Variants in CTNNA2 observed in about 807,000 individuals in gnomAD.
The protein encoded by CTNNA2 is catenin alpha-2.
A neutral mutation model predicts 101.0 loss-of-function variants in CTNNA2; 42 were observed. The observed-to-expected ratio is 0.42, with a 90% CI of 0.32 to 0.54. The LOEUF is 0.54. Among genes scored for constraint, CTNNA2 ranks in the 20% least tolerant of loss-of-function variants. The probability of loss-of-function intolerance (pLI) is 0.14; values close to 1 mark genes in which losing one functional copy is unlikely to be tolerated. For missense variants in CTNNA2, 871 were observed against 1,223.1 expected (o/e 0.71, Z 4.29); for synonymous variants, 450 against 456.4 (o/e 0.99, Z 0.18).
intron 7 of CTNNA2, among the ~76,000 whole-genome samples, chr2:79,997,897 C>T (rs1284232272): frequency 6.6e-6 from 1 of 152,142 alleles, no homozygotes; most frequent in Non-Finnish European, 1.5e-5. Flanking sequence ...TGGTGTCCAA[C>T]ATAGAGAACT....
intron 7 of CTNNA2, among the ~76,000 whole-genome samples, chr2:80,259,135 A>C (rs934542220): frequency 6.6e-6 from 1 of 152,130 alleles, no homozygotes; most frequent in Non-Finnish European, 1.5e-5. Flanking sequence ...TTGGGCAAGA[A>C]CACTGACTCT....
chr2:79,729,886 C>T lies in CTNNA2; in HGVS notation c.103-14501C>T, dbSNP rs1396391847. On this transcript the variant is annotated intron_variant, in intron 2 of 18. Coordinates refer to ENST00000402739, the MANE Select transcript of CTNNA2 (RefSeq NM_001282597.3). ...AATTTAATGGAAGAATAATAATGTACACTTACACATCAAAATCAGAAAATG... is the reference window on the plus strand; with the variant it reads ...AATTTAATGGAAGAATAATAATGTATACTTACACATCAAAATCAGAAAATG... Among the ~76,000 whole-genome samples the T allele has an allele frequency of 2.6e-5, 4 of 152,120 alleles. No homozygotes were observed. The East Asian group carries it at 7.7e-4, about 29-fold the overall frequency.
intron 2 of CTNNA2, among the ~76,000 whole-genome samples, chr2:79,213,095 G>A (rs1674197704): frequency 6.6e-6 from 1 of 152,172 alleles, no homozygotes; most frequent in Non-Finnish European, 1.5e-5. Context: ...TGTGGGAAGA[G>A]ATTGATAGGT....
At chr2:80,027,978 A>G (rs1695043920) in intron 7 of CTNNA2, 1 of 148,166 alleles carries the variant, frequency 6.7e-6, no homozygotes, top group Admixed American at 6.7e-5. Flanking sequence ...GTCTCAAAAA[A>G]AAAAAAAAAA....
At chr2:79,496,382 G>C (rs1671256020) in intron 4 of CTNNA2, among the ~76,000 whole-genome samples, 1 of 152,072 alleles carries the variant, frequency 6.6e-6, no homozygotes, top group Non-Finnish European at 1.5e-5. Context: ...TGGATCTTCA[G>C]AGAATAGATA....
At chr2:79,716,261 TTTA>T (rs1354480140) in intron 2 of CTNNA2, among the ~76,000 whole-genome samples, 1 of 152,164 alleles carries the variant, frequency 6.6e-6, no homozygotes, top group Admixed American at 6.5e-5. Context: ...ATGTCATTGA[TTTA>T]TTATTTATTT....
chr2:80,244,856 C>T (rs1354358738), intron 7 of CTNNA2, among the ~76,000 whole-genome samples: 1 of 152,146 alleles, frequency 6.6e-6, no homozygotes, highest in Non-Finnish European at 1.5e-5. Context: ...GTAGTCATTT[C>T]CATATCACAC....
At position 80,536,355 on chromosome 2, in the gene CTNNA2, A is replaced by C. The variant is rs1179666663; in HGVS notation, c.1291-8627A>C. ...AATTCAAGTAATTCCCCTTGAATTT[A>C]TTTAAATAAATTCATTTTATTCTCA... On this transcript the variant is annotated intron_variant, in intron 9 of 18. Transcript: ENST00000402739. Among the ~76,000 whole-genome samples the C allele has an allele frequency of 2.0e-5, 3 of 152,176 alleles. No homozygotes were observed. In the South Asian group the frequency reaches 6.2e-4, roughly 32 times the overall value.
chr2:80,416,087 G>A (rs1680019308), intron 8 of CTNNA2, among the ~76,000 whole-genome samples: 1 of 152,006 alleles, frequency 6.6e-6, no homozygotes, highest in Non-Finnish European at 1.5e-5. Flanking sequence ...GCTGGTCAAA[G>A]GGTACAAACT....
chr2:80,294,265 G>A lies in CTNNA2; in HGVS notation c.1057-98946G>A, dbSNP rs1281744286. Among the ~76,000 whole-genome samples, 5 of 152,156 alleles carry A rather than the reference G, an allele frequency of 3.3e-5. No homozygotes were observed. In the South Asian group the frequency reaches 8.3e-4, roughly 25 times the overall value. ...TCTGCCTTGTGAAATTATTGGGAGA[G>A]TAAAAACAAATATAAGAATAATTCT... is the stretch of plus-strand genomic sequence containing the variant. On this transcript the variant is annotated intron_variant, in intron 7 of 18. Transcript: ENST00000402739.
chr2:80,238,706 T>A (rs557908221), intron 7 of CTNNA2, among the ~76,000 whole-genome samples: 1 of 152,276 alleles, frequency 6.6e-6, no homozygotes, highest in East Asian at 1.9e-4. Context: ...CACTTTGCTC[T>A]GAAAGAGAAA....
At chr2:79,828,299 A>G (rs1372053215) in intron 3 of CTNNA2, among the ~76,000 whole-genome samples, 2 of 152,250 alleles carry the variant, frequency 1.3e-5, no homozygotes, top group Non-Finnish European at 2.9e-5. Context: ...TAAACCTAAA[A>G]TGCATCATTT....
chr2:79,334,075 C>A (rs1398194832), intron 3 of CTNNA2, among the ~76,000 whole-genome samples: 3 of 152,078 alleles, frequency 2.0e-5, no homozygotes, highest in Non-Finnish European at 4.4e-5. Context: ...GCTATCATGT[C>A]TTTGTGTTGG....
intron 7 of CTNNA2, among the ~76,000 whole-genome samples, chr2:80,364,363 T>A (rs2149322097): frequency 6.6e-6 from 1 of 152,222 alleles, no homozygotes; most frequent in African/African-American, 2.4e-5. Flanking sequence ...TGTAACAAGA[T>A]GTTCTTTTCT....
intron 7 of CTNNA2, among the ~76,000 whole-genome samples, chr2:80,044,398 G>C (rs892350881): frequency 7.9e-5 from 12 of 151,812 alleles, no homozygotes; most frequent in African/African-American, 2.9e-4. Context: ...AAAATTAAAT[G>C]CTAAATGCAT....
intron 9 of CTNNA2, among the ~76,000 whole-genome samples, chr2:80,449,287 T>TTAAA (rs72400269): frequency 0.053 from 7,953 of 149,822 alleles, 247 homozygotes; most frequent in African/African-American, 0.084. Context: ...GTCTCTAAAA[T>TTAAA]TAAATAAATA....
At chr2:79,800,644 G>A (rs1299048972) in intron 3 of CTNNA2, among the ~76,000 whole-genome samples, 2 of 152,166 alleles carry the variant, frequency 1.3e-5, no homozygotes, top group African/African-American at 2.4e-5. Context: ...AAGGAGGATG[G>A]CGAAAGAGAG....
At chr2:79,602,997 C>A (rs1226805026) in intron 1 of CTNNA2, among the ~76,000 whole-genome samples, 2 of 152,168 alleles carry the variant, frequency 1.3e-5, no homozygotes, top group East Asian at 3.9e-4. Flanking sequence ...CAAAGATAGT[C>A]AAAATTTACT....
At chr2:80,517,506 A>C (rs1380754912) in intron 9 of CTNNA2, among the ~76,000 whole-genome samples, 1 of 152,090 alleles carries the variant, frequency 6.6e-6, no homozygotes, top group Admixed American at 6.5e-5. Context: ...CCAGTCCTTG[A>C]CCTTATCTGT....
Sources: allele counts gnomAD v4.1 joint callset (sites outside exome capture counted in the v4.1 genomes callset), GRCh38; gene constraint gnomAD v4.1.1; transcripts MANE v1.5; gene names NCBI Gene and HGNC (gene_info 2026-07-23, HGNC 2026-07-21).